The following STAT3 variants were observed in gnomAD, a reference collection of about 807,000 sequenced individuals.
The protein encoded by STAT3 is signal transducer and activator of transcription 3, also known as DNA-binding protein APRF.
In STAT3, 7 loss-of-function variants were observed where a neutral mutation model predicts 114.3. That is an observed-to-expected ratio of 0.06 (90% confidence interval 0.03 to 0.11). The LOEUF (loss-of-function observed/expected upper bound fraction) is 0.11. Ranked by LOEUF, STAT3 falls within the 10% of genes least tolerant of loss-of-function variation. The pLI is 1.00. For missense variants in STAT3, 364 were observed against 960.9 expected, an observed-to-expected ratio of 0.38 and a Z score of 8.21; for synonymous variants, 331 against 354.5, an observed-to-expected ratio of 0.93 and a Z score of 0.74.
At chr17:42,344,420 C>CAA (rs35455295) in intron 4 of STAT3, among the ~76,000 whole-genome samples, 4 of 121,882 alleles carry the variant, frequency 3.3e-5, no homozygotes, top group East Asian at 2.5e-4. Flanking sequence ...GACTCTGTCT[C>CAA]AAAAAAAAAA....
intron 15 of STAT3, 141 bp downstream of exon 15, chr17:42,325,975 T>C (rs966171017): frequency 4.9e-6 from 4 of 811,226 alleles, no homozygotes; most frequent in African/African-American, 1.7e-5. Context: ...AAGGATTTTT[T>C]TGGAGAAAAG....
rs955171872 is a variant in STAT3, at chr17:42,315,444, AACAAC to A, written c.*296_*300del. 1.9e-6 allele frequency: 1 copy of A among 529,086 alleles called. No individual in the cohort carries two copies. Among genetic ancestry groups the A allele is most frequent in the South Asian group, 2.1e-5 (1 of 47,974 alleles). The allele number at this position is 529,086 out of a possible 1,614,324, so 32.8% of individuals were successfully genotyped here. ...CTGAGAAAGGAGGGCAGGGGAACAA[AACAAC>A]ACAAGACATTTCCTTTTTCTCCCTC... On this transcript the variant is annotated 3_prime_UTR_variant, in exon 24 of 24. Transcript: ENST00000264657.
intron 1 of STAT3, among the ~76,000 whole-genome samples, chr17:42,354,437 G>T (rs1449897515): frequency 6.6e-6 from 1 of 150,990 alleles, no homozygotes; most frequent in African/African-American, 2.4e-5. Flanking sequence ...CAAACTGCTG[G>T]GAGTACAAGC....
chr17:42,318,819 A>T (rs1230042966), intron 21 of STAT3, among the ~76,000 whole-genome samples: 1 of 152,218 alleles, frequency 6.6e-6, no homozygotes, highest in Non-Finnish European at 1.5e-5. Context: ...CAAGAAACTG[A>T]TCAATTCAGT....
chr17:42,319,962 C>T (rs3809758), intron 21 of STAT3, among the ~76,000 whole-genome samples: 37,305 of 152,046 alleles, frequency 0.25, 5,204 homozygotes, highest in African/African-American at 0.36. Flanking sequence ...ACGCTGACAT[C>T]GCTGGGCAGG....
intron 23 of STAT3, chr17:42,316,019 C>T (rs1284397583): frequency 4.9e-6 from 7 of 1,429,172 alleles, no homozygotes; most frequent in Non-Finnish European, 6.4e-6. Flanking sequence ...AACTGATTCC[C>T]AGAGCTCCAT....
At chr17:42,359,671 T>C (rs762994769) in intron 1 of STAT3, among the ~76,000 whole-genome samples, 3 of 152,222 alleles carry the variant, frequency 2.0e-5, no homozygotes, top group Non-Finnish European at 4.4e-5. Flanking sequence ...TTTAAACACT[T>C]GACATACTTA....
intron 14 of STAT3, among the ~76,000 whole-genome samples, chr17:42,328,167 C>G (rs1169898780): frequency 6.6e-6 from 1 of 152,080 alleles, no homozygotes; most frequent in East Asian, 1.9e-4. Flanking sequence ...TGGATACCAA[C>G]AGCAGCACTA....
At position 42,313,627 on chromosome 17, in the gene STAT3, G is replaced by A. The variant is rs1200386276; in HGVS notation, c.*2118C>T. On this transcript the variant is annotated 3_prime_UTR_variant, in exon 24 of 24. Transcript: ENST00000264657. ...CCACAACAGGGCTCAGCTCCTCTCA[G>A]AACTTTTGCTACAATCAGAGTTAAG... is the stretch of plus-strand genomic sequence containing the variant. The A allele has an allele frequency of 8.6e-6, 2 of 231,406 alleles. No homozygotes were observed. The highest frequency in any genetic ancestry group is 5.7e-5 in the Admixed American group (1 of 17,690). The allele number at this position is 231,406 out of a possible 1,614,324, so 14.3% of individuals were successfully genotyped here. A position where few individuals can be genotyped will look rare whatever the true frequency, so the allele number is the denominator to read the frequency against.
At chr17:42,316,187 C>A (rs901192684) in intron 23 of STAT3, 3 of 682,524 alleles carry the variant, frequency 4.4e-6, no homozygotes, top group Non-Finnish European at 6.1e-6. Flanking sequence ...ATTTTAAAGG[C>A]TTAGTATGAA....
At chr17:42,346,539 T>C (rs1283098571) in intron 3 of STAT3, 30 bp downstream of exon 3, 1 of 1,613,876 alleles carries the variant, frequency 6.2e-7, no homozygotes, top group East Asian at 2.2e-5. Flanking sequence ...GCGGGTCCTG[T>C]TTCTCCTTGT....
At chr17:42,366,358 C>G (rs376950023) in intron 1 of STAT3, among the ~76,000 whole-genome samples, 9 of 143,694 alleles carry the variant, frequency 6.3e-5, no homozygotes, top group East Asian at 4.2e-4. Context: ...ATTAACAAAT[C>G]CTGTTGGCTC....
chr17:42,369,549 G>A (rs1485397241), intron 1 of STAT3, among the ~76,000 whole-genome samples: 1 of 152,102 alleles, frequency 6.6e-6, no homozygotes, highest in Non-Finnish European at 1.5e-5. Context: ...ATCTATTACT[G>A]CCTGCTTTTC....
chr17:42,341,949 C>T (rs1273103714), intron 4 of STAT3, among the ~76,000 whole-genome samples: 2 of 152,046 alleles, frequency 1.3e-5, no homozygotes, highest in Admixed American at 1.3e-4. Flanking sequence ...TGAAAACATC[C>T]TTGGGATAAC....
intron 3 of STAT3, 123 bp from the exon 4 acceptor site, chr17:42,345,780 C>T: frequency 2.0e-6 from 2 of 992,220 alleles, no homozygotes; most frequent in South Asian, 1.4e-5. Context: ...AACAACGGAA[C>T]AAAGGCTTCA....
At chr17:42,359,784 G>A (rs2083416707) in intron 1 of STAT3, among the ~76,000 whole-genome samples, 1 of 152,140 alleles carries the variant, frequency 6.6e-6, no homozygotes, top group African/African-American at 2.4e-5. Flanking sequence ...GATTTGGCCG[G>A]GTGCGGTGGC....
At chr17:42,387,982 A>C in intron 1 of STAT3, 1 of 315,808 alleles carries the variant, frequency 3.2e-6, no homozygotes. Flanking sequence ...AAATCGGGGG[A>C]CTGTCCCTCA....
intron 21 of STAT3, 27 bp downstream of exon 21, chr17:42,322,255 A>T (rs1193779842): frequency 6.2e-7 from 1 of 1,613,926 alleles, no homozygotes; most frequent in Non-Finnish European, 8.5e-7. Context: ...CAAAAATTAA[A>T]TGCCAGGAAC....
At chr17:42,373,534 G>A (rs1186668625) in intron 1 of STAT3, among the ~76,000 whole-genome samples, 2 of 151,932 alleles carry the variant, frequency 1.3e-5, no homozygotes, top group Non-Finnish European at 2.9e-5. Context: ...CTGGGTGACA[G>A]AGCGAGACTC....
Sources: allele counts gnomAD v4.1 joint callset (sites outside exome capture counted in the v4.1 genomes callset), GRCh38; gene constraint gnomAD v4.1.1; transcripts MANE v1.5; gene names NCBI Gene and HGNC (gene_info 2026-07-23, HGNC 2026-07-21).